The following NDFIP2 variants were observed in gnomAD, a reference collection of about 807,000 sequenced individuals.
NDFIP2 encodes NEDD4 family-interacting protein 2.
A neutral mutation model predicts 36.0 loss-of-function variants in NDFIP2; 19 were observed. That is an observed-to-expected ratio of 0.53 (90% CI 0.37 to 0.77). The LOEUF (loss-of-function observed/expected upper bound fraction) is 0.77. NDFIP2 is among the 30% of genes least tolerant of loss of function. The pLI is 0.00. For missense variants in NDFIP2, 446 were observed against 435.8 expected, an observed-to-expected ratio of 1.02 and a Z score of -0.21; for synonymous variants, 181 against 167.7, an observed-to-expected ratio of 1.08 and a Z score of -0.61.
intron 6 of NDFIP2, among the ~76,000 whole-genome samples, chr13:79,549,971 G>A (rs114881954): frequency 1.5e-3 from 232 of 151,848 alleles, no homozygotes; most frequent in African/African-American, 5.4e-3. Context: ...CATGCTTCTT[G>A]TTTTTAGTGA....
intron 1 of NDFIP2, among the ~76,000 whole-genome samples, chr13:79,498,774 T>C (rs1183954075): frequency 1.3e-5 from 2 of 152,034 alleles, no homozygotes; most frequent in Admixed American, 1.3e-4. Flanking sequence ...CTCAACATTG[T>C]TGCACTGGAG....
chr13:79,527,971 A>T (rs903761838), intron 2 of NDFIP2, among the ~76,000 whole-genome samples: 2 of 152,136 alleles, frequency 1.3e-5, no homozygotes, highest in African/African-American at 4.8e-5. Context: ...GCAGTTTTTA[A>T]TAAAAAAGCT....
chr13:79,500,161 C>T (rs1419155648), intron 1 of NDFIP2, among the ~76,000 whole-genome samples: 1 of 147,308 alleles, frequency 6.8e-6, no homozygotes, highest in African/African-American at 2.5e-5. Context: ...AGCTAGATCC[C>T]CATGCAAAAA....
intron 6 of NDFIP2, among the ~76,000 whole-genome samples, chr13:79,549,924 A>G (rs897659135): frequency 2.6e-5 from 4 of 151,776 alleles, no homozygotes; most frequent in Non-Finnish European, 4.4e-5. Context: ...CATCATTTGT[A>G]TCTCTCTTCT....
chr13:79,542,019 A>T (rs1052009146), intron 4 of NDFIP2, among the ~76,000 whole-genome samples: 1 of 152,216 alleles, frequency 6.6e-6, no homozygotes, highest in Non-Finnish European at 1.5e-5. Context: ...CCTCAGATAC[A>T]TGCCTAATGT....
At chr13:79,508,247 A>G (rs969469969) in intron 1 of NDFIP2, among the ~76,000 whole-genome samples, 2 of 152,178 alleles carry the variant, frequency 1.3e-5, no homozygotes, top group South Asian at 4.1e-4. Context: ...AGAATTTCCT[A>G]GTATTAACAT....
At chr13:79,532,295 T>A (rs1473967319) in intron 2 of NDFIP2, among the ~76,000 whole-genome samples, 1 of 152,190 alleles carries the variant, frequency 6.6e-6, no homozygotes, top group Admixed American at 6.5e-5. Flanking sequence ...ATTTGCAAAA[T>A]GCACAAAAGC....
intron 2 of NDFIP2, among the ~76,000 whole-genome samples, chr13:79,528,995 T>A (rs1294056683): frequency 1.3e-5 from 2 of 152,222 alleles, no homozygotes; most frequent in Non-Finnish European, 2.9e-5. Context: ...TTTATAGATC[T>A]GAGTAACATA....
chr13:79,525,224 C>T (rs894373198), intron 2 of NDFIP2, among the ~76,000 whole-genome samples: 1 of 152,188 alleles, frequency 6.6e-6, no homozygotes, highest in Non-Finnish European at 1.5e-5. Flanking sequence ...TGCCATCAGT[C>T]GGAACATGTT....
At chr13:79,540,977 G>A (rs1230606436) in intron 4 of NDFIP2, among the ~76,000 whole-genome samples, 2 of 152,160 alleles carry the variant, frequency 1.3e-5, no homozygotes, top group Admixed American at 1.3e-4. Flanking sequence ...TGTAATATTA[G>A]TCCTGTGAAC....
chr13:79,532,101 T>G (rs1473657923), intron 2 of NDFIP2, among the ~76,000 whole-genome samples: 1 of 152,186 alleles, frequency 6.6e-6, no homozygotes, highest in African/African-American at 2.4e-5. Context: ...AATAGTGACA[T>G]CAAAGATCGC....
chr13:79,512,787 T>A (rs991230504), intron 1 of NDFIP2, among the ~76,000 whole-genome samples: 1 of 152,230 alleles, frequency 6.6e-6, no homozygotes, highest in Non-Finnish European at 1.5e-5. Flanking sequence ...CCAGGCTACA[T>A]GTCTTGCAGT....
At chr13:79,504,007 C>T (rs1045216147) in intron 1 of NDFIP2, among the ~76,000 whole-genome samples, 2 of 151,930 alleles carry the variant, frequency 1.3e-5, no homozygotes, top group African/African-American at 2.4e-5. Context: ...GGATGTAGTG[C>T]CATTCATGGA....
intron 7 of NDFIP2, among the ~76,000 whole-genome samples, chr13:79,551,331 T>C (rs1176755541): frequency 1.3e-5 from 2 of 151,502 alleles, no homozygotes; most frequent in East Asian, 3.8e-4. Context: ...ATTTCATAAA[T>C]TTTAATTTTT....
chr13:79,512,773 A>G (rs1039424747), intron 1 of NDFIP2, among the ~76,000 whole-genome samples: 1 of 152,178 alleles, frequency 6.6e-6, no homozygotes, highest in African/African-American at 2.4e-5. Flanking sequence ...TCTATTGCAC[A>G]TGACCAGGCT....
chr13:79,494,495 A>C (rs895392659), intron 1 of NDFIP2, among the ~76,000 whole-genome samples: 1 of 151,922 alleles, frequency 6.6e-6, no homozygotes, highest in African/African-American at 2.4e-5. Flanking sequence ...TGACTTTCCA[A>C]AACTTACTTT....
chr13:79,550,170 A>G (rs1875849544), intron 6 of NDFIP2, among the ~76,000 whole-genome samples: 2 of 151,952 alleles, frequency 1.3e-5, no homozygotes, highest in East Asian at 1.9e-4. Flanking sequence ...ATGTTTCCCT[A>G]AGAATCATAT....
intron 5 of NDFIP2, among the ~76,000 whole-genome samples, chr13:79,545,893 G>T (rs1264297256): frequency 1.3e-5 from 2 of 152,070 alleles, no homozygotes; most frequent in Non-Finnish European, 2.9e-5. Context: ...ATGCCTCCAC[G>T]CCTGGCTAAT....
intron 1 of NDFIP2, among the ~76,000 whole-genome samples, chr13:79,508,443 T>G (rs1873952828): frequency 6.6e-6 from 1 of 152,198 alleles, no homozygotes; most frequent in Non-Finnish European, 1.5e-5. Flanking sequence ...GGGCTGCTGG[T>G]TGCTCATATT....
Sources: gnomAD v4.1 joint callset for allele counts (sites outside exome capture counted in the v4.1 genomes callset) on GRCh38, gnomAD v4.1.1 for gene constraint, MANE v1.5 for transcripts, NCBI Gene and HGNC (gene_info 2026-07-23, HGNC 2026-07-21) for gene names.